Variants in THADA observed in about 807,000 individuals in gnomAD.
The protein encoded by THADA is tRNA (32-2'-O)-methyltransferase regulator THADA.
A neutral mutation model predicts 219.8 loss-of-function variants in THADA; 213 were observed. The ratio of observed to expected loss-of-function variants is 0.97; its 90% CI spans 0.87 to 1.09. The LOEUF (loss-of-function observed/expected upper bound fraction) is 1.09, where lower values mean the gene tolerates loss of function less well. Among genes scored for constraint, THADA ranks in the 50% least tolerant of loss-of-function variants. THADA has a pLI of 0.00. For missense variants in THADA, 2,956 were observed against 2,311.3 expected, an observed-to-expected ratio of 1.28 and a Z score of -5.72; for synonymous variants, 1,018 against 828.9, an observed-to-expected ratio of 1.23 and a Z score of -3.92.
intron 28 of THADA, among the ~76,000 whole-genome samples, chr2:43,404,012 G>A (rs1377782203): frequency 6.6e-6 from 1 of 152,202 alleles, no homozygotes; most frequent in African/African-American, 2.4e-5. Flanking sequence ...GCAGGCTGAA[G>A]CTCTGGATTA....
At chr2:43,457,564 G>C (rs1052788173) in intron 26 of THADA, among the ~76,000 whole-genome samples, 1 of 152,068 alleles carries the variant, frequency 6.6e-6, no homozygotes, top group Non-Finnish European at 1.5e-5. Context: ...ATGAATTGAA[G>C]GAACAGTTAC....
At chr2:43,264,439 C>G (rs1018444506) in intron 36 of THADA, among the ~76,000 whole-genome samples, 1 of 152,040 alleles carries the variant, frequency 6.6e-6, no homozygotes, top group Non-Finnish European at 1.5e-5. Context: ...GCATGCACTA[C>G]CACGCCTGGC....
intron 28 of THADA, among the ~76,000 whole-genome samples, chr2:43,411,350 T>C (rs936450232): frequency 3.3e-5 from 5 of 152,134 alleles, no homozygotes; most frequent in African/African-American, 9.7e-5. Context: ...GAAATTCAAT[T>C]TTATTCATTT....
chr2:43,384,247 G>A (rs1339898427), intron 29 of THADA, among the ~76,000 whole-genome samples: 1 of 152,198 alleles, frequency 6.6e-6, no homozygotes, highest in Non-Finnish European at 1.5e-5. Context: ...AAGAAGTGAT[G>A]ATCTTCAAGA....
intron 36 of THADA, among the ~76,000 whole-genome samples, chr2:43,243,229 A>G (rs1668795818): frequency 6.6e-6 from 1 of 152,028 alleles, no homozygotes; most frequent in African/African-American, 2.4e-5. Context: ...CAACATCATG[A>G]CTGCTTCCCT....
At chr2:43,381,692 T>C (rs924542792) in intron 29 of THADA, among the ~76,000 whole-genome samples, 1 of 152,010 alleles carries the variant, frequency 6.6e-6, no homozygotes, top group Non-Finnish European at 1.5e-5. Context: ...GCGATTCTTC[T>C]GTCAGCCTCC....
chr2:43,484,288 T>G (rs944852136), intron 26 of THADA: 4 of 167,468 alleles, frequency 2.4e-5, no homozygotes, highest in African/African-American at 7.2e-5. Flanking sequence ...GATTTCATAT[T>G]TTTTTAATTC....
Position 43,322,043 on chromosome 2 carries a change from C to CT in THADA, c.4344-1504dup, listed in dbSNP as rs879799883. Among the ~76,000 whole-genome samples, 190 of 149,782 alleles carry CT rather than the reference C, an allele frequency of 1.3e-3. 1 individual carries two copies. The highest frequency in any genetic ancestry group is 4.4e-3 in the African/African-American group (179 of 40,928). ...TAACATGAAAAATATGTATCAGATA[C>CT]TTTTTTTTTTGAGACAGAGTCTCGC... On this transcript the variant is annotated intron_variant, in intron 30 of 37. Coordinates refer to ENST00000405975, the MANE Select transcript of THADA (RefSeq NM_022065.5).
chr2:43,480,104 G>A (rs778078491), intron 26 of THADA, among the ~76,000 whole-genome samples: 3 of 152,212 alleles, frequency 2.0e-5, no homozygotes, highest in Non-Finnish European at 4.4e-5. Context: ...AACAGCATGT[G>A]CTCTGCAGAT....
chr2:43,483,937 G>A (rs1410702787), intron 26 of THADA, among the ~76,000 whole-genome samples: 1 of 151,908 alleles, frequency 6.6e-6, no homozygotes, highest in African/African-American at 2.4e-5. Flanking sequence ...TAGCACACTG[G>A]AGAATTATTA....
chr2:43,574,616 C>G lies in THADA; in HGVS notation c.1449G>C (p.Glu483Asp). The G allele has an allele frequency of 6.2e-7, 1 of 1,614,008 alleles. No individual in the cohort carries two copies. Among genetic ancestry groups the G allele is most frequent in the Non-Finnish European group, 8.5e-7 (1 of 1,179,892 alleles). Residue 483 changes from glutamate (E) to aspartate (D), a missense_variant, in exon 11 of 38, where the codon GAG (glutamate) becomes GAC (aspartate). Physicochemically the swap from Glu to Asp is conservative, Grantham distance 45. Transcript: ENST00000405975. ...GTACCAATGACTGGTCTCCCATCACCTCTAAGATTTGAGATGGAATAGTTT... is the reference window on the plus strand; with the variant it reads ...GTACCAATGACTGGTCTCCCATCACGTCTAAGATTTGAGATGGAATAGTTT... The part of the protein sequence containing the change: ...IDKTIPSQIL[E>D]VMGDQSLVPY...
At chr2:43,572,648 GAAGA>G (rs1699423839) in intron 12 of THADA, among the ~76,000 whole-genome samples, 162 bp downstream of exon 12, 1 of 152,124 alleles carries the variant, frequency 6.6e-6, no homozygotes. Context: ...TCAGTAGCTT[GAAGA>G]AAGGGCCTAC....
intron 36 of THADA, among the ~76,000 whole-genome samples, chr2:43,275,854 A>G (rs540457511): frequency 6.6e-6 from 1 of 152,346 alleles, no homozygotes; most frequent in Admixed American, 6.5e-5. Context: ...GAATCATGCA[A>G]ATGCCAGGAT....
intron 23 of THADA, among the ~76,000 whole-genome samples, chr2:43,507,706 T>C (rs1689862065): frequency 6.6e-6 from 1 of 152,190 alleles, no homozygotes; most frequent in South Asian, 2.1e-4. Context: ...TTATTTTCAG[T>C]GCTTTTATTA....
intron 34 of THADA, among the ~76,000 whole-genome samples, chr2:43,288,042 T>C (rs1348091750): frequency 6.6e-6 from 1 of 152,246 alleles, no homozygotes; most frequent in Non-Finnish European, 1.5e-5. Flanking sequence ...ACCTGGTGAC[T>C]CAACACTGTC....
rs774968041 is a variant in THADA, at chr2:43,571,834, C to A, written c.1937G>T (p.Cys646Phe). ...QVRIDTLGLLCESNRSTEIVS... is the reference protein window; with the variant it reads ...QVRIDTLGLLFESNRSTEIVS... ...AATTTCTGTGCTCCGATTACTTTCACAAAGCAAGCCTAATGTATCTATCCT... is the reference window on the plus strand; with the variant it reads ...AATTTCTGTGCTCCGATTACTTTCAAAAAGCAAGCCTAATGTATCTATCCT... The change falls in exon 13 of 38, where the codon TGT becomes TTT. Residue 646 changes from cysteine (C) to phenylalanine (F), a missense_variant. By Grantham distance (205) the Cys-to-Phe change is radical. Coordinates refer to ENST00000405975, the MANE Select transcript of THADA (RefSeq NM_022065.5). 3.1e-6 allele frequency: 5 copies of A among 1,613,866 alleles called. No individual in the cohort carries two copies. The East Asian group carries it at 8.9e-5, about 29-fold the overall frequency.
intron 29 of THADA, among the ~76,000 whole-genome samples, chr2:43,395,989 T>C (rs1435829748): frequency 3.9e-5 from 6 of 152,214 alleles, no homozygotes; most frequent in Admixed American, 3.9e-4. Flanking sequence ...ACTCCTGGCC[T>C]CAAGTGATCT....
chr2:43,550,395 C>T (rs2103873832), intron 19 of THADA, among the ~76,000 whole-genome samples: 1 of 152,240 alleles, frequency 6.6e-6, no homozygotes, highest in South Asian at 2.1e-4. Context: ...ATTTCAACAG[C>T]CATGAAAAAC....
intron 36 of THADA, among the ~76,000 whole-genome samples, chr2:43,248,778 G>A (rs544197122): frequency 6.6e-6 from 1 of 152,098 alleles, no homozygotes. Flanking sequence ...AGAAGGAGCG[G>A]CCCGGGCCGC....
Sources: allele counts gnomAD v4.1 joint callset (sites outside exome capture counted in the v4.1 genomes callset), GRCh38; gene constraint gnomAD v4.1.1; transcripts MANE v1.5; gene names NCBI Gene and HGNC (gene_info 2026-07-23, HGNC 2026-07-21).